ECPAS: variants seen among roughly 807,000 people sequenced by gnomAD.
The protein encoded by ECPAS is proteasome adapter and scaffold protein ECM29.
In ECPAS, 70 loss-of-function variants were observed where a neutral mutation model predicts 255.1. The observed-to-expected ratio is 0.27, with a 90% confidence interval of 0.23 to 0.33. The LOEUF is 0.33. Ranked by LOEUF, ECPAS falls within the 10% of genes least tolerant of loss-of-function variation. The pLI is 1.00. For synonymous variants in ECPAS, 784 were observed against 775.0 expected, an observed-to-expected ratio of 1.01 and a Z score of -0.19; for missense variants, 1,817 against 2,206.4, an observed-to-expected ratio of 0.82 and a Z score of 3.54.
chr9:111,415,378 A>G (rs576950596), intron 18 of ECPAS, among the ~76,000 whole-genome samples: 1 of 152,214 alleles, frequency 6.6e-6, no homozygotes, highest in East Asian at 1.9e-4. Flanking sequence ...CAATTCATCT[A>G]CAGAAAAATA....
intron 13 of ECPAS, 85 bp from the exon 14 acceptor site, chr9:111,422,285 C>G: frequency 7.2e-7 from 1 of 1,397,510 alleles, no homozygotes; most frequent in Non-Finnish European, 1.0e-6. Flanking sequence ...CACAAATTTT[C>G]CTGAACTCTC....
chr9:111,386,610 A>G (rs866346147), intron 31 of ECPAS, among the ~76,000 whole-genome samples, 154 bp from the exon 32 acceptor site: 4 of 152,166 alleles, frequency 2.6e-5, no homozygotes, highest in Non-Finnish European at 5.9e-5. Flanking sequence ...TCAGCCCACA[A>G]ATCTCTTCCC....
At chr9:111,472,234 C>A (rs183967633) in intron 2 of ECPAS, among the ~76,000 whole-genome samples, 1 of 151,594 alleles carries the variant, frequency 6.6e-6, no homozygotes, top group South Asian at 2.1e-4. Context: ...GGTGACACAG[C>A]GAGACCCTGT....
chr9:111,442,502 T>C, intron 4 of ECPAS, 78 bp from the exon 5 acceptor site: 2 of 898,338 alleles, frequency 2.2e-6, no homozygotes, highest in Non-Finnish European at 3.5e-6. Flanking sequence ...ATTGATAACT[T>C]AGAGAGTTAT....
chr9:111,405,802 T>C (rs1013655683), intron 24 of ECPAS, among the ~76,000 whole-genome samples: 1 of 149,702 alleles, frequency 6.7e-6, no homozygotes, highest in African/African-American at 2.5e-5. Context: ...CTGGCATCAC[T>C]GATCATGATA....
intron 31 of ECPAS, among the ~76,000 whole-genome samples, chr9:111,388,574 A>T (rs576631525): frequency 6.6e-6 from 1 of 152,154 alleles, no homozygotes; most frequent in East Asian, 1.9e-4. Context: ...TAAAGCTACT[A>T]AAGGATTTTA....
chr9:111,378,877 A>T (rs2098136860), intron 35 of ECPAS, 147 bp from the exon 36 acceptor site: 1 of 700,788 alleles, frequency 1.4e-6, no homozygotes. Context: ...TACTTTTTTT[A>T]ACTTTTATTA....
intron 1 of ECPAS, chr9:111,483,418 G>T: frequency 1.6e-6 from 1 of 628,354 alleles, no homozygotes; most frequent in Non-Finnish European, 2.0e-6. Context: ...CGGGCCTGGC[G>T]CCCCAGCCCT....
chr9:111,474,845 T>C (rs1195556372), intron 1 of ECPAS, among the ~76,000 whole-genome samples: 2 of 152,172 alleles, frequency 1.3e-5, no homozygotes, highest in Non-Finnish European at 2.9e-5. Flanking sequence ...CTTGCAAAGG[T>C]AAGGTAATTT....
At chr9:111,391,335 T>G (rs906828839) in intron 29 of ECPAS, among the ~76,000 whole-genome samples, 4 of 152,144 alleles carry the variant, frequency 2.6e-5, no homozygotes, top group African/African-American at 7.2e-5. Flanking sequence ...CCCAGCACTT[T>G]GGGAGGCCGA....
At chr9:111,440,969 G>GT (rs1266317966) in intron 5 of ECPAS, among the ~76,000 whole-genome samples, 1 of 151,570 alleles carries the variant, frequency 6.6e-6, no homozygotes, top group Non-Finnish European at 1.5e-5. Context: ...TCGAGACCAT[G>GT]GTGAAACCCC....
Position 111,442,322 on chromosome 9 carries a change from G to A in ECPAS, c.373C>T (p.Gln125Ter). 1 of 1,610,176 alleles carries A rather than the reference G, an allele frequency of 6.2e-7. No homozygotes were observed. The highest frequency in any genetic ancestry group is 8.5e-7 in the Non-Finnish European group (1 of 1,177,560). The part of the protein sequence containing the change: ...TLLTAMEGKP[Q>*]PQQDSLMHLL... ...AAATCATACCTATCCTGCTGTGGCT[G>A]AGGCTTCCCTTCCATGGCAGTAAGA... Residue 125 changes from glutamine (Q) to a stop codon, truncating the protein, a stop_gained, in exon 5 of 50, where the codon CAG becomes TAG. Coordinates refer to ENST00000684092, the MANE Select transcript of ECPAS (RefSeq NM_001364929.1). LOFTEE classifies it high-confidence loss of function.
chr9:111,369,850 C>T (rs1035938651), intron 45 of ECPAS, among the ~76,000 whole-genome samples: 3 of 152,100 alleles, frequency 2.0e-5, no homozygotes, highest in Non-Finnish European at 4.4e-5. Context: ...AGGCAATTCA[C>T]ATGGCACACT....
intron 7 of ECPAS, among the ~76,000 whole-genome samples, chr9:111,436,330 C>A (rs1174439400): frequency 6.6e-6 from 1 of 152,196 alleles, no homozygotes; most frequent in Non-Finnish European, 1.5e-5. Flanking sequence ...TGCCTGATGA[C>A]ACAGACACAG....
intron 25 of ECPAS, 127 bp from the exon 26 acceptor site, chr9:111,394,432 G>A (rs2098164773): frequency 1.2e-6 from 1 of 823,770 alleles, no homozygotes; most frequent in African/African-American, 1.8e-5. Context: ...TGGCTAAGGT[G>A]TTTAAAGTTG....
chr9:111,383,312 G>A lies in ECPAS; in HGVS notation c.3702C>T (p.Asp1234=). 6.2e-7 allele frequency: 1 copy of A among 1,611,882 alleles called. No individual in the cohort carries two copies. Among genetic ancestry groups the A allele is most frequent in the Non-Finnish European group, 8.5e-7 (1 of 1,178,986 alleles). Residue 1234 remains aspartate (D), a synonymous_variant, in exon 35 of 50, where the codon GAC becomes GAT. Coordinates refer to ENST00000684092, the MANE Select transcript of ECPAS (RefSeq NM_001364929.1). ...TCTGGCCAGCTGCTCCTTTGGCAGG[G>A]TCACACATTTTCACACAGACCTCAC... ...TLSKVCVKMC[D]PAKGAAGQRT... is the part of the protein sequence containing the mutation.
chr9:111,387,784 AG>A (rs1357830932), intron 31 of ECPAS, among the ~76,000 whole-genome samples: 2 of 149,394 alleles, frequency 1.3e-5, no homozygotes, highest in African/African-American at 2.5e-5. Context: ...TGAGGGACAG[AG>A]TCTCACTCAT....
intron 29 of ECPAS, 83 bp from the exon 30 acceptor site, chr9:111,390,184 A>T: frequency 1.4e-6 from 1 of 727,932 alleles, no homozygotes; most frequent in South Asian, 2.2e-5. Flanking sequence ...TATTACTAGG[A>T]CATACTAAAA....
At position 111,428,121 on chromosome 9, in the gene ECPAS, C is replaced by G; in HGVS notation, c.971G>C (p.Ser324Thr). ...LKPELKRDPV[S>T]TRVKLKIVPH... is the part of the protein sequence containing the mutation. ...GACAATCTTTAACTTGACTCTTGTACTGACAGGGTCCCTTTTCAACTCTGG... is the reference window on the plus strand; with the variant it reads ...GACAATCTTTAACTTGACTCTTGTAGTGACAGGGTCCCTTTTCAACTCTGG... The change falls in exon 10 of 50, where the codon AGT becomes ACT. Residue 324 changes from serine to threonine, a missense_variant. Ser to Thr is a moderately conservative substitution (Grantham distance 58). Transcript: ENST00000684092. The G allele has an allele frequency of 1.2e-6, 2 of 1,612,816 alleles. No homozygotes were observed. The highest frequency in any genetic ancestry group is 1.7e-6 in the Non-Finnish European group (2 of 1,179,248).
Sources: allele counts gnomAD v4.1 joint callset (sites outside exome capture counted in the v4.1 genomes callset), GRCh38; gene constraint gnomAD v4.1.1; transcripts MANE v1.5; gene names NCBI Gene and HGNC (gene_info 2026-07-23, HGNC 2026-07-21).